POLR2L: variants seen among roughly 807,000 people sequenced by gnomAD.
POLR2L encodes DNA-directed RNA polymerases I, II, and III subunit RPABC5.
POLR2L carries 7 observed loss-of-function variants against 6.8 expected under a neutral mutation model. That is an observed-to-expected ratio of 1.03 (90% CI 0.59 to 1.94). POLR2L has a LOEUF of 1.94. POLR2L is among the 30% of genes most tolerant of loss of function. The pLI, the probability that POLR2L is intolerant of heterozygous loss-of-function variation, is 0.00. For missense variants in POLR2L, 93 were observed against 86.7 expected, an observed-to-expected ratio of 1.07 and a Z score of -0.29; for synonymous variants, 59 against 39.8, an observed-to-expected ratio of 1.48 and a Z score of -1.82.
In POLR2L at chr11:842,490, A is replaced by G. The variant is rs775301492; in HGVS notation, c.19T>C (p.Cys7Arg). Residue 7 changes from cysteine (C) to arginine (R), a missense_variant, in exon 1 of 2, where the codon TGC becomes CGC. Cys to Arg is a radical substitution (Grantham distance 180). Coordinates refer to ENST00000322028, the MANE Select transcript of POLR2L (RefSeq NM_021128.5). ...CCGACGATCTTGCCACAAGTGAAGC[A>G]GCGTACAGGGATGATCATGGCGGCG... MIIPVR[C>R]FTCGKIVGNK... The G allele has an allele frequency of 6.3e-7, 1 of 1,594,506 alleles. No individual in the cohort carries two copies. The highest frequency in any genetic ancestry group is 1.1e-5 in the South Asian group (1 of 88,982).
intron 1 of POLR2L, 35 bp from the exon 2 acceptor site, chr11:840,515 T>A (rs376756918): frequency 3.5e-6 from 5 of 1,438,056 alleles, no homozygotes; most frequent in Non-Finnish European, 4.9e-6. Context: ...CCAACTGAGT[T>A]CTCTACGGTC....
chr11:840,565 G>T, intron 1 of POLR2L, 85 bp from the exon 2 acceptor site: 1 of 889,864 alleles, frequency 1.1e-6, no homozygotes, highest in Non-Finnish European at 1.7e-6. Context: ...GCCTCTCACT[G>T]CCTGCTGGCC....
intron 1 of POLR2L, among the ~76,000 whole-genome samples, chr11:841,095 G>A (rs1846952962): frequency 6.6e-6 from 1 of 152,356 alleles, no homozygotes. Flanking sequence ...AATGTGCAGA[G>A]ACACAGAAGC....
At chr11:842,391 C>T (rs1011801989) in intron 1 of POLR2L, 23 bp downstream of exon 1, 13 of 1,556,754 alleles carry the variant, frequency 8.4e-6, no homozygotes, top group Non-Finnish European at 1.1e-5. Flanking sequence ...GGACTCAGCC[C>T]CTAGCCCCGG....
Position 840,383 on chromosome 11 carries a change from G to C in POLR2L, c.193C>G (p.Leu65Val). 1 of 1,605,744 alleles carries C rather than the reference G, an allele frequency of 6.2e-7. No homozygotes were observed. Among genetic ancestry groups the C allele is most frequent in the Non-Finnish European group, 8.5e-7 (1 of 1,174,390 alleles). ...GGGTTCCAGCGTGGTCACTTCTCCA[G>C]GGGTGCATAATTGAGCAGCTTCTCG... ...LIEKLLNYAP[L>V]EK Residue 65 changes from leucine to valine, a missense_variant, in exon 2 of 2, where the codon CTG (leucine) becomes GTG (valine). Transcript: ENST00000322028.
intron 1 of POLR2L, among the ~76,000 whole-genome samples, 191 bp downstream of exon 1, chr11:842,223 G>A (rs1337181367): frequency 6.6e-6 from 1 of 152,210 alleles, no homozygotes; most frequent in East Asian, 1.9e-4. Context: ...CAGACTTCAG[G>A]GGATAAGGTT....
chr11:842,358 A>C, intron 1 of POLR2L, 56 bp downstream of exon 1: 1 of 1,369,450 alleles, frequency 7.3e-7, no homozygotes, highest in South Asian at 1.4e-5. Flanking sequence ...CTCAGCCCCC[A>C]GCCCCGGCCC....
chr11:840,441 G>A lies in POLR2L; in HGVS notation c.135C>T (p.Cys45=). ...LDALGLKRYC[C]RRMLLAHVDL... ...CCACGTGGGCCAGCAGCATCCGGCG[G>A]CAGCAGTAGCGCTTCAGGCCCAGGG... Residue 45 remains cysteine (C), a synonymous_variant, in exon 2 of 2, where the codon TGC becomes TGT. Coordinates refer to ENST00000322028, the MANE Select transcript of POLR2L (RefSeq NM_021128.5). The A allele has an allele frequency of 6.2e-7, 1 of 1,611,928 alleles. No individual in the cohort carries two copies. Among genetic ancestry groups the A allele is most frequent in the Non-Finnish European group, 8.5e-7 (1 of 1,179,656 alleles).
chr11:841,550 G>C (rs1187374633), intron 1 of POLR2L, among the ~76,000 whole-genome samples: 1 of 152,080 alleles, frequency 6.6e-6, no homozygotes, highest in East Asian at 1.9e-4. Context: ...CGATTTTCTC[G>C]TCTCAGCCTC....
chr11:840,533 G>T, intron 1 of POLR2L, 53 bp from the exon 2 acceptor site: 4 of 1,301,868 alleles, frequency 3.1e-6, no homozygotes, highest in Non-Finnish European at 2.2e-6. Flanking sequence ...GTCTGCAAAG[G>T]CCTGGAGCCC....
chr11:840,623 A>G (rs1846940254), intron 1 of POLR2L, 143 bp from the exon 2 acceptor site: 1 of 626,560 alleles, frequency 1.6e-6, no homozygotes, highest in Middle Eastern at 2.7e-4. Flanking sequence ...CCGGCTCAGA[A>G]GCTGAGATCT....
chr11:841,320 C>A (rs1846959697), intron 1 of POLR2L, among the ~76,000 whole-genome samples: 1 of 152,192 alleles, frequency 6.6e-6, no homozygotes, highest in Non-Finnish European at 1.5e-5. Flanking sequence ...AGCGGGGGCA[C>A]CAAGACTCAG....
In POLR2L at chr11:840,080, T is replaced by C; in HGVS notation, c.*292A>G. 3.2e-6 allele frequency: 1 copy of C among 309,210 alleles called. No individual in the cohort carries two copies. Among genetic ancestry groups the C allele is most frequent in the Non-Finnish European group, 6.0e-6 (1 of 167,126 alleles). 19.2% of individuals were successfully genotyped at this position (309,210 alleles called of 1,614,324 possible). ...TGGCAGCGCCTCCTGCAGGGGTGCC[T>C]GTGGAACAGGCTGGCCCCAGGGCTA... On this transcript the variant is annotated 3_prime_UTR_variant, in exon 2 of 2. Transcript: ENST00000322028.
At position 840,223 on chromosome 11, in the gene POLR2L, C is replaced by CTGGA; in HGVS notation, c.*145_*148dup. 1.6e-6 allele frequency: 1 copy of CTGGA among 630,638 alleles called. No homozygotes were observed. Among genetic ancestry groups the CTGGA allele is most frequent in the Non-Finnish European group, 2.8e-6 (1 of 354,248 alleles). The allele number at this position is 630,638 out of a possible 1,614,324, so 39.1% of individuals were successfully genotyped here. On this transcript the variant is annotated 3_prime_UTR_variant, in exon 2 of 2. Transcript: ENST00000322028. ...CCTTAGTGGTTCTGAAAGACCTTTA[C>CTGGA]TGGATGGTTCCTTCCAGAGTGGGGT...
At position 840,423 on chromosome 11, in the gene POLR2L, G is replaced by A. The variant is rs1253149344; in HGVS notation, c.153C>T (p.Ala51=). The change falls in exon 2 of 2, where the codon GCC becomes GCT. Residue 51 remains alanine, a synonymous_variant. Coordinates refer to ENST00000322028, the MANE Select transcript of POLR2L (RefSeq NM_021128.5). ...GCAGCTTCTCGATCAGGTCCACGTGGGCCAGCAGCATCCGGCGGCAGCAGT... is the reference window on the plus strand; with the variant it reads ...GCAGCTTCTCGATCAGGTCCACGTGAGCCAGCAGCATCCGGCGGCAGCAGT... ...KRYCCRRMLL[A]HVDLIEKLLN... is the part of the protein sequence containing the mutation. The A allele has an allele frequency of 6.2e-7, 1 of 1,612,288 alleles. No homozygotes were observed. Among genetic ancestry groups the A allele is most frequent in the East Asian group, 2.2e-5 (1 of 44,856 alleles).
intron 1 of POLR2L, 55 bp downstream of exon 1, chr11:842,359 G>A (rs1348311178): frequency 2.2e-6 from 3 of 1,387,446 alleles, no homozygotes; most frequent in Non-Finnish European, 2.9e-6. Flanking sequence ...TCAGCCCCCA[G>A]CCCCGGCCCG....
chr11:840,481 C>T lies in POLR2L; in HGVS notation c.96-1G>A. 6.2e-7 allele frequency: 1 copy of T among 1,602,378 alleles called. No homozygotes were observed. Among genetic ancestry groups the T allele is most frequent in the Non-Finnish European group, 8.5e-7 (1 of 1,172,724 alleles). Reference sequence around the variant, plus strand: ...CAGGCCCAGGGCATCCAGCGCATCCCTGTGTCGAGGGGAGGAGCAGAGGCC... The same window carrying T: ...CAGGCCCAGGGCATCCAGCGCATCCTTGTGTCGAGGGGAGGAGCAGAGGCC... On this transcript the variant is annotated splice_acceptor_variant, in intron 1 of 1. Transcript: ENST00000322028. LOFTEE classifies it high-confidence loss of function.
intron 1 of POLR2L, among the ~76,000 whole-genome samples, chr11:841,881 G>A (rs868550378): frequency 6.6e-6 from 1 of 152,140 alleles, no homozygotes; most frequent in Non-Finnish European, 1.5e-5. Context: ...CCTGGGCGAC[G>A]GAGCGAGACT....
chr11:841,870 A>G (rs971246895), intron 1 of POLR2L, among the ~76,000 whole-genome samples: 1 of 152,266 alleles, frequency 6.6e-6, no homozygotes, highest in Non-Finnish European at 1.5e-5. Context: ...CTGCACTCCA[A>G]CCTGGGCGAC....
Sources: gnomAD v4.1 joint callset for allele counts (sites outside exome capture counted in the v4.1 genomes callset) on GRCh38, gnomAD v4.1.1 for gene constraint, MANE v1.5 for transcripts, NCBI Gene and HGNC (gene_info 2026-07-23, HGNC 2026-07-21) for gene names.